The following HDDC2 variants were observed in gnomAD, a reference collection of about 807,000 sequenced individuals.
HDDC2 encodes HD domain containing 2.
In HDDC2, 25 loss-of-function variants were observed where a neutral mutation model predicts 25.5. The observed-to-expected ratio is 0.98, with a 90% confidence interval of 0.72 to 1.37. The LOEUF is 1.37. HDDC2 is among the 40% of genes most tolerant of loss of function. HDDC2 has a pLI of 0.00. For missense variants in HDDC2, 264 were observed against 253.1 expected, an observed-to-expected ratio of 1.04 and a Z score of -0.29; for synonymous variants, 106 against 89.7, an observed-to-expected ratio of 1.18 and a Z score of -1.03.
chr6:125,285,544 G>A (rs1225860770), intron 4 of HDDC2, among the ~76,000 whole-genome samples: 1 of 151,860 alleles, frequency 6.6e-6, no homozygotes, highest in East Asian at 1.9e-4. Context: ...GACAAATAGT[G>A]AAGACAGGCA....
At chr6:125,291,119 T>A (rs1168011123) in intron 4 of HDDC2, among the ~76,000 whole-genome samples, 5 of 152,222 alleles carry the variant, frequency 3.3e-5, no homozygotes, top group African/African-American at 1.2e-4. Context: ...CTTTTATGAA[T>A]GAGATGCAAC....
chr6:125,295,380 T>C (rs1330239951), intron 3 of HDDC2, among the ~76,000 whole-genome samples: 4 of 151,946 alleles, frequency 2.6e-5, no homozygotes, highest in African/African-American at 7.3e-5. Context: ...GGCTGAAGAG[T>C]GTAGTAGTCA....
chr6:125,297,519 G>A (rs987942459), intron 3 of HDDC2: 18 of 399,282 alleles, frequency 4.5e-5, no homozygotes, highest in East Asian at 2.5e-4. Flanking sequence ...TACTGAGCCC[G>A]TTAGTCTACA....
chr6:125,288,115 T>C (rs1421211522), intron 4 of HDDC2, among the ~76,000 whole-genome samples: 3 of 152,228 alleles, frequency 2.0e-5, no homozygotes, highest in African/African-American at 7.2e-5. Context: ...TTGGTGAACA[T>C]ATTTGCAAGG....
chr6:125,292,794 T>C (rs762598352), intron 4 of HDDC2, 47 bp downstream of exon 4: 4 of 1,393,146 alleles, frequency 2.9e-6, no homozygotes, highest in Non-Finnish European at 4.1e-6. Context: ...GGGAGCCATA[T>C]AAATTCAGAT....
intron 4 of HDDC2, among the ~76,000 whole-genome samples, chr6:125,282,071 C>G (rs993588831): frequency 2.6e-5 from 4 of 152,154 alleles, no homozygotes; most frequent in African/African-American, 9.7e-5. Context: ...AAGGGCTGGG[C>G]ACGGTGGCTC....
chr6:125,284,629 AG>A (rs1798505452), intron 4 of HDDC2, among the ~76,000 whole-genome samples: 1 of 152,238 alleles, frequency 6.6e-6, no homozygotes, highest in Non-Finnish European at 1.5e-5. Context: ...ATCTCACGCC[AG>A]TTAGAATGGC....
intron 4 of HDDC2, among the ~76,000 whole-genome samples, chr6:125,285,161 TC>T (rs1470359768): frequency 3.0e-5 from 2 of 67,590 alleles, no homozygotes; most frequent in African/African-American, 1.1e-4. Flanking sequence ...CTGGGGCCTG[TC>T]GGGGGGTGGG....
At chr6:125,277,341 A>G in intron 4 of HDDC2, 101 bp from the exon 5 acceptor site, 1 of 1,109,080 alleles carries the variant, frequency 9.0e-7, no homozygotes, top group South Asian at 1.4e-5. Context: ...GACAGCTACA[A>G]GTACATTCTG....
Position 125,301,910 on chromosome 6 carries a change from G to A in HDDC2, c.23C>T (p.Thr8Ile). The A allele has an allele frequency of 1.3e-6, 2 of 1,551,968 alleles. No individual in the cohort carries two copies. Among genetic ancestry groups the A allele is most frequent in the Non-Finnish European group, 1.7e-6 (2 of 1,149,554 alleles). Residue 8 changes from threonine (T) to isoleucine (I), a missense_variant, in exon 1 of 6, where the codon ACC (threonine) becomes ATC (isoleucine). Physicochemically the swap from Thr to Ile is moderately conservative, Grantham distance 89 (BLOSUM62 -1). Coordinates refer to ENST00000398153, the MANE Select transcript of HDDC2 (RefSeq NM_016063.3). MASVSSATFSGHGARSLL... is the reference protein window; with the variant it reads MASVSSAIFSGHGARSLL... ...GGACCGAGCCCCGTGGCCCGAGAAG[G>A]TCGCAGAGGAGACCGAAGCCATGCG...
At chr6:125,279,042 G>A (rs1798415061) in intron 4 of HDDC2, 1 of 152,214 alleles carries the variant, frequency 6.6e-6, no homozygotes, top group Non-Finnish European at 1.5e-5. Context: ...ATATGTGCAA[G>A]TAGAGACAAA....
chr6:125,301,679 C>T (rs1385753116), intron 1 of HDDC2, among the ~76,000 whole-genome samples, 170 bp downstream of exon 1: 2 of 152,190 alleles, frequency 1.3e-5, no homozygotes, highest in African/African-American at 4.8e-5. Context: ...CTCCGTCCAC[C>T]GTCGGCAACG....
chr6:125,275,567 A>G lies in HDDC2; in HGVS notation c.*579T>C, dbSNP rs1479317909. On this transcript the variant is annotated 3_prime_UTR_variant, in exon 6 of 6. Coordinates refer to ENST00000398153, the MANE Select transcript of HDDC2 (RefSeq NM_016063.3). The stretch of plus-strand genomic sequence containing the variant: ...CCCCGGTTTATATCTCTAAATGACA[A>G]AAAGTATTGGGAAGAGGGGCAGAGC... 2 of 152,404 alleles carry G rather than the reference A, an allele frequency of 1.3e-5. No individual in the cohort carries two copies. Among genetic ancestry groups the G allele is most frequent in the East Asian group, 3.9e-4 (2 of 5,190 alleles). The allele number at this position is 152,404 out of a possible 1,614,324, so 9.4% of individuals were successfully genotyped here. A position where few individuals can be genotyped will look rare whatever the true frequency, so the allele number is the denominator to read the frequency against.
chr6:125,276,408 G>A (rs771385671), intron 5 of HDDC2, 165 bp from the exon 6 acceptor site: 1 of 600,594 alleles, frequency 1.7e-6, no homozygotes, highest in South Asian at 2.0e-5. Flanking sequence ...GGGGCTGAAG[G>A]GGACCACTTG....
At position 125,301,846 on chromosome 6, in the gene HDDC2, C is replaced by T. The variant is rs1434892624; in HGVS notation, c.84+3G>A. The stretch of plus-strand genomic sequence containing the variant: ...GCGGCCTCCCGGCCTGGTGCCCGCT[C>T]ACCTTGAGCTGCCCTACCAGCCGCA... On this transcript the variant is annotated splice_donor_region_variant and intron_variant, in intron 1 of 5. Coordinates refer to ENST00000398153, the MANE Select transcript of HDDC2 (RefSeq NM_016063.3). 3.2e-6 allele frequency: 5 copies of T among 1,541,542 alleles called. No homozygotes were observed. The highest frequency in any genetic ancestry group is 1.2e-5 in the South Asian group (1 of 83,882).
At chr6:125,279,731 T>C (rs952233862) in intron 4 of HDDC2, among the ~76,000 whole-genome samples, 7 of 152,114 alleles carry the variant, frequency 4.6e-5, no homozygotes, top group African/African-American at 7.2e-5. Context: ...TAAAACTAAT[T>C]GCCAATCAAA....
At chr6:125,277,008 G>T in intron 5 of HDDC2, 94 bp downstream of exon 5, 2 of 1,248,678 alleles carry the variant, frequency 1.6e-6, no homozygotes, top group Non-Finnish European at 2.3e-6. Context: ...GTCAGATGAA[G>T]GTACCAACAG....
At chr6:125,299,443 A>G (rs1798761507) in intron 2 of HDDC2, among the ~76,000 whole-genome samples, 1 of 152,246 alleles carries the variant, frequency 6.6e-6, no homozygotes, top group African/African-American at 2.4e-5. Context: ...GAATCATTCA[A>G]TAAGTGGTTA....
chr6:125,296,455 C>A (rs114470495), intron 3 of HDDC2, among the ~76,000 whole-genome samples: 1 of 152,122 alleles, frequency 6.6e-6, no homozygotes, highest in East Asian at 1.9e-4. Flanking sequence ...AGCCAAGAAA[C>A]CCTCATTTAA....
Sources: allele counts gnomAD v4.1 joint callset (sites outside exome capture counted in the v4.1 genomes callset), GRCh38; gene constraint gnomAD v4.1.1; transcripts MANE v1.5; gene names NCBI Gene and HGNC (gene_info 2026-07-23, HGNC 2026-07-21).